C12orf54: variants seen among roughly 807,000 people sequenced by gnomAD.
C12orf54 encodes the protein chromosome 12 open reading frame 54, also known as uncharacterized protein C12orf54.
In C12orf54, 24 loss-of-function variants were observed where a neutral mutation model predicts 26.4. The ratio of observed to expected loss-of-function variants is 0.91; its 90% CI spans 0.66 to 1.28. C12orf54 has a LOEUF of 1.28. Ranked by LOEUF, C12orf54 falls within the 50% of genes most tolerant of loss-of-function variation. The pLI is 0.00. For missense variants in C12orf54, 154 were observed against 150.9 expected (o/e 1.02, Z -0.11); for synonymous variants, 54 against 47.0 (o/e 1.15, Z -0.61).
At chr12:48,413,964 G>C in the C12orf54 span, among the ~76,000 whole-genome samples, 19 of 152,134 alleles carry the variant, frequency 1.2e-4, no homozygotes, top group Non-Finnish European at 2.5e-4. Context: ...CTTCCATCCA[G>C]CTCCCCATCT....
chr12:48,478,303 CA>C (rs774788663), upstream of C12orf54, among the ~76,000 whole-genome samples: 1 of 152,134 alleles, frequency 6.6e-6, no homozygotes, highest in Non-Finnish European at 1.5e-5. Context: ...ACTGAACGGG[CA>C]AAAACTCAAA....
chr12:48,445,189 A>T, the C12orf54 span, among the ~76,000 whole-genome samples: 2 of 152,072 alleles, frequency 1.3e-5, no homozygotes, highest in Non-Finnish European at 2.9e-5. Flanking sequence ...AAAAAAATTA[A>T]TACATTGATG....
At chr12:48,458,039 G>A in the C12orf54 span, among the ~76,000 whole-genome samples, 134,118 of 152,268 alleles carry the variant, frequency 0.88, 59,131 homozygotes, top group East Asian at 0.97. Context: ...GAAGGCAAGG[G>A]TGGCCTGTGC....
At chr12:48,442,499 G>A in the C12orf54 span, 1 of 157,342 alleles carries the variant, frequency 6.4e-6, no homozygotes, top group Non-Finnish European at 1.4e-5. Flanking sequence ...ATCCAGAAAA[G>A]CCAAGCCCCA....
At chr12:48,447,212 CTGTGTG>C in the C12orf54 span, among the ~76,000 whole-genome samples, 32 of 91,070 alleles carry the variant, frequency 3.5e-4, no homozygotes, top group African/African-American at 6.7e-4. Context: ...CTCTCTTACT[CTGTGTG>C]TGTGTGTGTG....
At chr12:48,435,109 C>A in the C12orf54 span, among the ~76,000 whole-genome samples, 3 of 152,050 alleles carry the variant, frequency 2.0e-5, no homozygotes, top group Admixed American at 6.5e-5. Context: ...AACTACCTGA[C>A]AAATGCACAA....
the C12orf54 span, among the ~76,000 whole-genome samples, chr12:48,431,082 G>T: frequency 1.3e-5 from 2 of 152,154 alleles, no homozygotes; most frequent in Non-Finnish European, 2.9e-5. Context: ...TCACCCATAT[G>T]TGGGACCTAA....
At chr12:48,436,351 G>A in the C12orf54 span, among the ~76,000 whole-genome samples, 3 of 152,202 alleles carry the variant, frequency 2.0e-5, no homozygotes, top group East Asian at 1.9e-4. Flanking sequence ...ACAGATCAAC[G>A]AGACAGAAAG....
chr12:48,475,240 C>T, the C12orf54 span, among the ~76,000 whole-genome samples: 1 of 152,132 alleles, frequency 6.6e-6, no homozygotes. Context: ...ACCAAAAACC[C>T]ATCTGTATGT....
chr12:48,494,692 G>T, intron 7 of C12orf54, 106 bp from the exon 8 acceptor site: 1 of 1,222,070 alleles, frequency 8.2e-7, no homozygotes. Context: ...CCCATTCTTG[G>T]GGGAGTGTAA....
At chr12:48,470,233 A>G in the C12orf54 span, among the ~76,000 whole-genome samples, 1 of 152,194 alleles carries the variant, frequency 6.6e-6, no homozygotes, top group South Asian at 2.1e-4. Flanking sequence ...GGTGGATCAA[A>G]TGTATTTCTG....
the C12orf54 span, among the ~76,000 whole-genome samples, chr12:48,436,054 A>C: frequency 1.3e-5 from 2 of 152,200 alleles, no homozygotes; most frequent in African/African-American, 4.8e-5. Flanking sequence ...AAATGAAGGG[A>C]TGGAGGAAGA....
chr12:48,489,050 C>A (rs1406259909), intron 5 of C12orf54, 94 bp downstream of exon 5: 3 of 1,198,612 alleles, frequency 2.5e-6, no homozygotes, highest in Admixed American at 1.7e-5. Context: ...TGCCTCTGAC[C>A]AAGGTTTTAG....
the C12orf54 span, among the ~76,000 whole-genome samples, chr12:48,467,037 A>G: frequency 3.1e-3 from 475 of 152,280 alleles, 2 homozygotes; most frequent in Middle Eastern, 6.8e-3. Flanking sequence ...TGTAAATGTG[A>G]CTTTATTTGG....
At chr12:48,485,081 A>G (rs771721346) in intron 2 of C12orf54, among the ~76,000 whole-genome samples, 128 of 151,712 alleles carry the variant, frequency 8.4e-4, no homozygotes, top group Non-Finnish European at 1.6e-3. Context: ...ATTTTATTTT[A>G]TTTATTTATT....
chr12:48,432,278 A>G, the C12orf54 span, among the ~76,000 whole-genome samples: 1 of 152,204 alleles, frequency 6.6e-6, no homozygotes, highest in African/African-American at 2.4e-5. Context: ...GACACTATAC[A>G]GTACTGAACA....
chr12:48,466,501 A>G, the C12orf54 span, among the ~76,000 whole-genome samples: 1 of 151,758 alleles, frequency 6.6e-6, no homozygotes, highest in Non-Finnish European at 1.5e-5. Flanking sequence ...GCCAAGATCG[A>G]GCCATTGCAC....
intron 6 of C12orf54, among the ~76,000 whole-genome samples, chr12:48,492,610 C>T (rs1025083790): frequency 1.3e-5 from 2 of 152,160 alleles, no homozygotes; most frequent in African/African-American, 2.4e-5. Context: ...TCTTATTGTA[C>T]CCATTTCCCA....
the C12orf54 span, among the ~76,000 whole-genome samples, chr12:48,423,091 T>C: frequency 1.3e-5 from 2 of 152,152 alleles, no homozygotes; most frequent in Non-Finnish European, 2.9e-5. Context: ...ATTCATAACA[T>C]AAAACAGTTT....
Sources: allele counts gnomAD v4.1 joint callset (sites outside exome capture counted in the v4.1 genomes callset), GRCh38; gene constraint gnomAD v4.1.1; transcripts MANE v1.5; gene names NCBI Gene and HGNC (gene_info 2026-07-23, HGNC 2026-07-21).